DLG2: variants seen among roughly 807,000 people sequenced by gnomAD.
The protein encoded by DLG2 is disks large homolog 2.
In DLG2, 45 loss-of-function variants were observed where a neutral mutation model predicts 132.5. The observed-to-expected ratio is 0.34, with a 90% CI of 0.27 to 0.44. The LOEUF is 0.44. Among genes scored for constraint, DLG2 ranks in the 20% least tolerant of loss-of-function variants. The pLI is 1.00. For missense variants in DLG2, 1,045 were observed against 1,196.9 expected (o/e 0.87, Z 1.87); for synonymous variants, 424 against 419.6 (o/e 1.01, Z -0.13).
At chr11:83,749,317 A>C (rs2093149061) in intron 18 of DLG2, among the ~76,000 whole-genome samples, 2 of 152,202 alleles carry the variant, frequency 1.3e-5, no homozygotes, top group African/African-American at 4.8e-5. Context: ...ATGTCCATTC[A>C]AACTGCTCAA....
chr11:84,396,879 C>T lies in DLG2; in HGVS notation c.519+137691G>A, dbSNP rs1365427. On this transcript the variant is annotated intron_variant, in intron 7 of 27. Transcript: ENST00000376104. ...CTCATTCAACTCTTTTATTTTGTGACGGTGCAACATCTTTTCTGAGAATAG... is the reference window on the plus strand; with the variant it reads ...CTCATTCAACTCTTTTATTTTGTGATGGTGCAACATCTTTTCTGAGAATAG... Among the ~76,000 whole-genome samples the T allele has an allele frequency of 3.9e-3, 592 of 152,256 alleles. 14 individuals are homozygous for T. The highest frequency in any genetic ancestry group is 0.032 in the Admixed American group (493 of 15,290).
At chr11:85,565,775 C>T (rs1457554315) in intron 3 of DLG2, among the ~76,000 whole-genome samples, 2 of 152,044 alleles carry the variant, frequency 1.3e-5, no homozygotes, top group Non-Finnish European at 2.9e-5. Flanking sequence ...GGATTTTTTC[C>T]ACTTTTTAGC....
intron 6 of DLG2, among the ~76,000 whole-genome samples, chr11:85,082,249 CT>C (rs1054447951): frequency 1.3e-5 from 2 of 152,026 alleles, no homozygotes; most frequent in African/African-American, 4.8e-5. Flanking sequence ...GAAAATACTG[CT>C]TTTTTTAAAA....
chr11:85,060,632 T>C (rs575245642), intron 6 of DLG2, among the ~76,000 whole-genome samples: 18 of 151,872 alleles, frequency 1.2e-4, no homozygotes, highest in African/African-American at 3.6e-4. Context: ...TAATGCTGCA[T>C]TGAATGCAGA....
At chr11:85,344,375 T>A (rs1204795815) in intron 3 of DLG2, among the ~76,000 whole-genome samples, 1 of 152,120 alleles carries the variant, frequency 6.6e-6, no homozygotes, top group Non-Finnish European at 1.5e-5. Context: ...CTTAGTTTTG[T>A]TACGGGAATT....
chr11:84,206,239 C>T (rs1029964391), intron 8 of DLG2, among the ~76,000 whole-genome samples: 1 of 152,046 alleles, frequency 6.6e-6, no homozygotes, highest in Non-Finnish European at 1.5e-5. Context: ...CTGTTGAAAA[C>T]ATTGAATGTG....
chr11:85,523,711 C>G (rs555661020), intron 3 of DLG2, among the ~76,000 whole-genome samples: 1 of 152,118 alleles, frequency 6.6e-6, no homozygotes, highest in African/African-American at 2.4e-5. Context: ...CCATACAATC[C>G]AGACATCCCA....
intron 6 of DLG2, among the ~76,000 whole-genome samples, chr11:84,608,552 T>C (rs1256055936): frequency 6.6e-6 from 1 of 152,154 alleles, no homozygotes; most frequent in Non-Finnish European, 1.5e-5. Context: ...GACCCAGTTA[T>C]GGCTAAATTT....
At chr11:84,735,623 C>T (rs897751907) in intron 6 of DLG2, among the ~76,000 whole-genome samples, 7 of 151,688 alleles carry the variant, frequency 4.6e-5, no homozygotes, top group Non-Finnish European at 1.0e-4. Context: ...GGATTTTTTT[C>T]GTCTCTAACT....
At chr11:84,300,245 C>T (rs1002903490) in intron 7 of DLG2, among the ~76,000 whole-genome samples, 3 of 152,124 alleles carry the variant, frequency 2.0e-5, no homozygotes, top group African/African-American at 7.2e-5. Context: ...CCATATTGCA[C>T]TCTTCTGCAA....
At chr11:84,794,643 C>T (rs2074316888) in intron 6 of DLG2, among the ~76,000 whole-genome samples, 1 of 152,212 alleles carries the variant, frequency 6.6e-6, no homozygotes, top group African/African-American at 2.4e-5. Flanking sequence ...AGCCCCTCTG[C>T]CCTTGCAGGC....
At chr11:84,558,409 C>A (rs2099416324) in intron 6 of DLG2, among the ~76,000 whole-genome samples, 1 of 152,144 alleles carries the variant, frequency 6.6e-6, no homozygotes, top group South Asian at 2.1e-4. Context: ...AGCACACATG[C>A]TTCTTTCCTA....
chr11:85,494,140 T>G (rs573094311), intron 3 of DLG2, among the ~76,000 whole-genome samples: 2 of 152,288 alleles, frequency 1.3e-5, no homozygotes, highest in African/African-American at 4.8e-5. Context: ...CTCCCAAAGA[T>G]TACATCTTTA....
intron 3 of DLG2, among the ~76,000 whole-genome samples, chr11:85,462,820 A>G (rs2092660482): frequency 6.6e-6 from 1 of 151,004 alleles, no homozygotes; most frequent in South Asian, 2.1e-4. Context: ...AAAAATGAAA[A>G]CCTAACTTAC....
At chr11:84,553,186 T>TGTG (rs1454286871) in intron 6 of DLG2, among the ~76,000 whole-genome samples, 2 of 152,176 alleles carry the variant, frequency 1.3e-5, no homozygotes, top group Non-Finnish European at 2.9e-5. Context: ...CCCCCCAAAA[T>TGTG]GTGGTTTACC....
At chr11:85,580,294 G>A (rs572950791) in intron 3 of DLG2, among the ~76,000 whole-genome samples, 16 of 152,176 alleles carry the variant, frequency 1.1e-4, no homozygotes, top group Non-Finnish European at 2.4e-4. Context: ...CAAGAACTGT[G>A]GCTTTATGTA....
At chr11:84,866,000 A>G (rs753792237) in intron 6 of DLG2, among the ~76,000 whole-genome samples, 1 of 152,244 alleles carries the variant, frequency 6.6e-6, no homozygotes, top group Admixed American at 6.5e-5. Flanking sequence ...GCAGCAAGAA[A>G]TATGCTAAGC....
chr11:84,152,385 T>A (rs900698152), intron 9 of DLG2, among the ~76,000 whole-genome samples: 2 of 151,818 alleles, frequency 1.3e-5, no homozygotes, highest in Non-Finnish European at 2.9e-5. Flanking sequence ...CTCTTTTTTG[T>A]TTTCTCTTTT....
chr11:85,150,943 G>C lies in DLG2; in HGVS notation c.282+3613C>G, dbSNP rs919783580. Among the ~76,000 whole-genome samples the C allele has an allele frequency of 7.2e-5, 11 of 152,066 alleles. No individual in the cohort carries two copies. The East Asian group carries it at 1.9e-3, about 27-fold the overall frequency. On this transcript the variant is annotated intron_variant, in intron 5 of 27. Coordinates refer to ENST00000376104, the MANE Select transcript of DLG2 (RefSeq NM_001142699.3). ...GTATTTCTATTTTTAAAGTTTTCAAGAATCTTTATACTGTTTTCCATAATG... is the reference window on the plus strand; with the variant it reads ...GTATTTCTATTTTTAAAGTTTTCAACAATCTTTATACTGTTTTCCATAATG...
Sources: allele counts gnomAD v4.1 joint callset (sites outside exome capture counted in the v4.1 genomes callset), GRCh38; gene constraint gnomAD v4.1.1; transcripts MANE v1.5; gene names NCBI Gene and HGNC (gene_info 2026-07-23, HGNC 2026-07-21).